ZNF385B: variants seen among roughly 807,000 people sequenced by gnomAD.
The protein encoded by ZNF385B is zinc finger protein 385B.
In ZNF385B, 23 loss-of-function variants were observed where a neutral mutation model predicts 39.2. The observed-to-expected ratio is 0.59, with a 90% CI of 0.42 to 0.83. ZNF385B has a LOEUF of 0.83. Among genes scored for constraint, ZNF385B ranks in the 40% least tolerant of loss-of-function variants. The pLI is 0.00. For synonymous variants in ZNF385B, 205 were observed against 222.6 expected, an observed-to-expected ratio of 0.92 and a Z score of 0.70; for missense variants, 552 against 598.9, an observed-to-expected ratio of 0.92 and a Z score of 0.82.
chr2:179,635,331 C>T (rs1242602199), intron 3 of ZNF385B, among the ~76,000 whole-genome samples: 1 of 133,694 alleles, frequency 7.5e-6, no homozygotes, highest in East Asian at 2.2e-4. Flanking sequence ...GGGAATTGAA[C>T]AATGAGATCA....
intron 3 of ZNF385B, among the ~76,000 whole-genome samples, chr2:179,682,723 G>A (rs1216499417): frequency 6.6e-6 from 1 of 151,958 alleles, no homozygotes; most frequent in East Asian, 1.9e-4. Flanking sequence ...TCTTACATTT[G>A]TATGTATGTG....
intron 3 of ZNF385B, among the ~76,000 whole-genome samples, chr2:179,593,485 A>T (rs1211653830): frequency 6.6e-6 from 1 of 152,184 alleles, no homozygotes; most frequent in Admixed American, 6.5e-5. Context: ...AATTGAACAT[A>T]TCCTCTCATT....
chr2:179,804,520 G>A (rs530874189), intron 1 of ZNF385B, among the ~76,000 whole-genome samples: 14 of 152,232 alleles, frequency 9.2e-5, no homozygotes, highest in South Asian at 8.3e-4. Flanking sequence ...CTCTAAAGGC[G>A]TATTACCTGT....
chr2:179,609,836 A>C (rs1689141150), intron 3 of ZNF385B, among the ~76,000 whole-genome samples: 1 of 152,198 alleles, frequency 6.6e-6, no homozygotes, highest in African/African-American at 2.4e-5. Flanking sequence ...GTTGAGCACC[A>C]TTTCATATAC....
At chr2:179,763,492 A>T (rs894526641) in intron 3 of ZNF385B, among the ~76,000 whole-genome samples, 1 of 151,834 alleles carries the variant, frequency 6.6e-6, no homozygotes, top group African/African-American at 2.4e-5. Context: ...CCTATTTTCA[A>T]CTTCACAGAT....
intron 1 of ZNF385B, among the ~76,000 whole-genome samples, chr2:179,804,656 T>C (rs985856426): frequency 6.6e-6 from 1 of 152,200 alleles, no homozygotes; most frequent in African/African-American, 2.4e-5. Flanking sequence ...AGGATTGTTA[T>C]GAGGATAAAA....
intron 1 of ZNF385B, among the ~76,000 whole-genome samples, chr2:179,848,208 G>A (rs1011937410): frequency 6.6e-6 from 1 of 152,184 alleles, no homozygotes; most frequent in Non-Finnish European, 1.5e-5. Context: ...CTGCTAGCAG[G>A]CTGCACAGTA....
At chr2:179,720,948 T>TC (rs1016478938) in intron 3 of ZNF385B, among the ~76,000 whole-genome samples, 1 of 147,524 alleles carries the variant, frequency 6.8e-6, no homozygotes, top group Non-Finnish European at 1.5e-5. Context: ...TTTTTTTTTT[T>TC]TGGAGAGACA....
At chr2:179,573,039 T>C (rs908073747) in intron 3 of ZNF385B, among the ~76,000 whole-genome samples, 3 of 152,234 alleles carry the variant, frequency 2.0e-5, no homozygotes, top group Non-Finnish European at 2.9e-5. Flanking sequence ...GATTTTCAGA[T>C]ATTTCAAATC....
At chr2:179,547,334 G>C (rs2060298213) in intron 3 of ZNF385B, among the ~76,000 whole-genome samples, 1 of 149,444 alleles carries the variant, frequency 6.7e-6, no homozygotes, top group South Asian at 2.1e-4. Flanking sequence ...TCACATAGTA[G>C]TTTCATAGTT....
chr2:179,796,796 C>A (rs1014232894), intron 1 of ZNF385B, among the ~76,000 whole-genome samples: 3 of 152,130 alleles, frequency 2.0e-5, no homozygotes, highest in African/African-American at 7.2e-5. Flanking sequence ...TCAGGCTGAA[C>A]AGAGTAGGCT....
intron 3 of ZNF385B, among the ~76,000 whole-genome samples, chr2:179,556,968 C>T (rs1197566889): frequency 6.7e-6 from 1 of 149,072 alleles, no homozygotes; most frequent in Non-Finnish European, 1.5e-5. Context: ...TTGGAAACCT[C>T]CCTAAAAAAT....
At chr2:179,584,425 C>T (rs1686870977) in intron 3 of ZNF385B, among the ~76,000 whole-genome samples, 1 of 152,074 alleles carries the variant, frequency 6.6e-6, no homozygotes, top group African/African-American at 2.4e-5. Context: ...CAACATGAGT[C>T]TAGGGGCAGG....
intron 3 of ZNF385B, among the ~76,000 whole-genome samples, chr2:179,689,783 ATGTGTGTGTGTGTGTGTG>A (rs112957152): frequency 1.1e-4 from 14 of 130,106 alleles, no homozygotes; most frequent in East Asian, 4.3e-4. Context: ...GGGCAGGGGC[ATGTGTGTGTGTGTGTGTG>A]TGTGTGTGTG....
intron 6 of ZNF385B, among the ~76,000 whole-genome samples, chr2:179,473,562 C>T (rs959654107): frequency 6.6e-6 from 1 of 152,138 alleles, no homozygotes; most frequent in Non-Finnish European, 1.5e-5. Context: ...CTGGGATACA[C>T]GTGCAGAACG....
At chr2:179,834,044 G>T (rs1296226693) in intron 1 of ZNF385B, among the ~76,000 whole-genome samples, 1 of 152,096 alleles carries the variant, frequency 6.6e-6, no homozygotes, top group African/African-American at 2.4e-5. Flanking sequence ...GGTTTTCTCT[G>T]TGGGAGGAGA....
At chr2:179,821,523 T>G (rs1054374037) in intron 1 of ZNF385B, among the ~76,000 whole-genome samples, 1 of 152,068 alleles carries the variant, frequency 6.6e-6, no homozygotes, top group Non-Finnish European at 1.5e-5. Flanking sequence ...CTAAAAACAA[T>G]ACTCTCGAGT....
chr2:179,780,585 T>C (rs547223742), intron 1 of ZNF385B, among the ~76,000 whole-genome samples: 1 of 152,340 alleles, frequency 6.6e-6, no homozygotes, highest in African/African-American at 2.4e-5. Flanking sequence ...TGGAACTAAA[T>C]TAAATGTGCC....
chr2:179,839,557 A>G (rs1000570115), intron 1 of ZNF385B, among the ~76,000 whole-genome samples: 2 of 152,232 alleles, frequency 1.3e-5, no homozygotes, highest in Admixed American at 6.5e-5. Context: ...AATCTTTACC[A>G]TTCACAGACA....
Sources: gnomAD v4.1 joint callset for allele counts (sites outside exome capture counted in the v4.1 genomes callset) on GRCh38, gnomAD v4.1.1 for gene constraint, MANE v1.5 for transcripts, NCBI Gene and HGNC (gene_info 2026-07-23, HGNC 2026-07-21) for gene names.